Variants in TMTC2 observed in about 807,000 individuals in gnomAD.
The protein encoded by TMTC2 is protein O-mannosyl-transferase TMTC2.
In TMTC2, 43 loss-of-function variants were observed where a neutral mutation model predicts 82.4. The observed-to-expected ratio is 0.52, with a 90% CI of 0.41 to 0.67. The LOEUF (loss-of-function observed/expected upper bound fraction) is 0.67. TMTC2 is among the 30% of genes least tolerant of loss of function. The pLI is 0.00. For synonymous variants in TMTC2, 408 were observed against 381.9 expected, an observed-to-expected ratio of 1.07 and a Z score of -0.80; for missense variants, 919 against 1,012.4, an observed-to-expected ratio of 0.91 and a Z score of 1.25.
intron 1 of TMTC2, among the ~76,000 whole-genome samples, chr12:82,792,391 A>G (rs1878509958): frequency 6.6e-6 from 1 of 151,994 alleles, no homozygotes; most frequent in Non-Finnish European, 1.5e-5. Flanking sequence ...AAAATATATC[A>G]ACACTTCCAG....
intron 11 of TMTC2, among the ~76,000 whole-genome samples, chr12:83,106,500 CAAAAAAAAAA>C (rs769681273): frequency 5.1e-5 from 3 of 58,590 alleles, no homozygotes; most frequent in Non-Finnish European, 7.2e-5. Flanking sequence ...ACTCTGTCTC[CAAAAAAAAAA>C]AAAAAAAAAA....
At chr12:82,752,408 C>G (rs533467655) in intron 1 of TMTC2, among the ~76,000 whole-genome samples, 1 of 152,192 alleles carries the variant, frequency 6.6e-6, no homozygotes, top group East Asian at 1.9e-4. Context: ...ATCACTTGAA[C>G]TTGGGAGGCA....
In TMTC2 at chr12:82,895,889, G is replaced by A. The variant is rs762365789; in HGVS notation, c.726G>A (p.Arg242=). The A allele has an allele frequency of 6.2e-7, 1 of 1,613,766 alleles. No individual in the cohort carries two copies. Among genetic ancestry groups the A allele is most frequent in the African/African-American group, 1.3e-5 (1 of 74,826 alleles). Residue 242 remains arginine, a synonymous_variant, in exon 3 of 12, where the codon CGG becomes CGA. Coordinates refer to ENST00000321196, the MANE Select transcript of TMTC2 (RefSeq NM_152588.3). Reference sequence around the variant, plus strand: ...GGGGTTCCTCCCTTTTGGGTGCCCGGTTATACTGGATGGGAAACAAACCAC... The same window carrying A: ...GGGGTTCCTCCCTTTTGGGTGCCCGATTATACTGGATGGGAAACAAACCAC... ...IFWGSSLLGA[R]LYWMGNKPPS...
chr12:83,038,291 AATAT>A (rs545858760), intron 9 of TMTC2, among the ~76,000 whole-genome samples: 1 of 151,692 alleles, frequency 6.6e-6, no homozygotes, highest in African/African-American at 2.4e-5. Context: ...GTATAATAAA[AATAT>A]ATATATATAC....
intron 11 of TMTC2, among the ~76,000 whole-genome samples, chr12:83,107,943 T>TC (rs34823247): frequency 0.044 from 6,761 of 152,172 alleles, 232 homozygotes; most frequent in Admixed American, 0.12. Flanking sequence ...GGGATGGATT[T>TC]CCCCCCTTGC....
intron 2 of TMTC2, among the ~76,000 whole-genome samples, chr12:82,862,353 G>T (rs547945395): frequency 2.0e-4 from 30 of 152,236 alleles, no homozygotes; most frequent in African/African-American, 7.2e-4. Flanking sequence ...TCTGTTAACT[G>T]TTTTAATGTG....
chr12:82,801,346 A>T (rs1382679593), intron 1 of TMTC2, among the ~76,000 whole-genome samples: 1 of 152,148 alleles, frequency 6.6e-6, no homozygotes, highest in Non-Finnish European at 1.5e-5. Flanking sequence ...GTTCATAAAG[A>T]CAGTGTGGAC....
rs576160142 is a variant in TMTC2 at position 82,941,867 on chromosome 12, C to A, written c.1598+11322C>A. 5.9e-5 allele frequency among the ~76,000 whole-genome samples: 9 copies of A among 152,230 alleles called. No homozygotes were observed. The South Asian group carries it at 1.9e-3, about 32-fold the overall frequency. Reference sequence around the variant, plus strand: ...CTCTGCCTCCCAGGTTCAAGCGATTCTCCTGAGTAGCCAGGATTACAGATG... The same window carrying A: ...CTCTGCCTCCCAGGTTCAAGCGATTATCCTGAGTAGCCAGGATTACAGATG... On this transcript the variant is annotated intron_variant, in intron 4 of 11. Coordinates refer to ENST00000321196, the MANE Select transcript of TMTC2 (RefSeq NM_152588.3).
At chr12:83,028,615 T>C (rs535515944) in intron 8 of TMTC2, among the ~76,000 whole-genome samples, 1 of 152,312 alleles carries the variant, frequency 6.6e-6, no homozygotes, top group Non-Finnish European at 1.5e-5. Context: ...AATCACATGC[T>C]CTGCCTGTCC....
intron 4 of TMTC2, among the ~76,000 whole-genome samples, chr12:82,946,289 C>T (rs764277060): frequency 3.3e-5 from 5 of 152,128 alleles, no homozygotes; most frequent in Non-Finnish European, 5.9e-5. Flanking sequence ...TTAGTGTCTG[C>T]AATAGTGCTT....
At chr12:82,841,016 G>A (rs1227693529) in intron 1 of TMTC2, among the ~76,000 whole-genome samples, 1 of 152,106 alleles carries the variant, frequency 6.6e-6, no homozygotes, top group Non-Finnish European at 1.5e-5. Flanking sequence ...CTGACCTCAG[G>A]TGATCCACCC....
chr12:82,895,708 G>T (rs1873627244), intron 2 of TMTC2, 110 bp from the exon 3 acceptor site: 1 of 965,536 alleles, frequency 1.0e-6, no homozygotes, highest in Admixed American at 2.9e-5. Context: ...GAGACATCAT[G>T]CTGTGTTTTT....
chr12:82,916,664 A>G (rs868124742), intron 3 of TMTC2, among the ~76,000 whole-genome samples: 1 of 152,184 alleles, frequency 6.6e-6, no homozygotes, highest in African/African-American at 2.4e-5. Context: ...ATACATGTGG[A>G]TATTACAGTA....
At chr12:83,131,390 T>C (rs1885251830) in intron 11 of TMTC2, among the ~76,000 whole-genome samples, 1 of 151,954 alleles carries the variant, frequency 6.6e-6, no homozygotes, top group African/African-American at 2.4e-5. Flanking sequence ...ACATAACTCA[T>C]GCCATGTAAA....
chr12:82,691,220 G>A (rs1003271037), intron 1 of TMTC2, among the ~76,000 whole-genome samples: 9 of 152,086 alleles, frequency 5.9e-5, no homozygotes, highest in Non-Finnish European at 1.0e-4. Flanking sequence ...AAATATATTT[G>A]CGACTCCTCT....
Position 83,133,020 on chromosome 12 carries a change from TC to T in TMTC2, c.*632del, listed in dbSNP as rs1233112004. The T allele has an allele frequency of 1.3e-5, 2 of 152,252 alleles. No individual in the cohort carries two copies. Among genetic ancestry groups the T allele is most frequent in the Non-Finnish European group, 2.9e-5 (2 of 68,084 alleles). 9.4% of individuals were successfully genotyped at this position (152,252 alleles called of 1,614,324 possible). On this transcript the variant is annotated 3_prime_UTR_variant, in exon 12 of 12. Transcript: ENST00000321196. ...GTCAGAGGCTTCATTCTTTTGGACA[TC>T]ATTTGCTTTTTATGTTCTGAAAAGG... is the stretch of plus-strand genomic sequence containing the variant.
intron 11 of TMTC2, among the ~76,000 whole-genome samples, chr12:83,123,553 G>T (rs1273153077): frequency 1.3e-5 from 2 of 152,140 alleles, no homozygotes; most frequent in Admixed American, 6.5e-5. Flanking sequence ...ATAGCCTTTT[G>T]TGAAGATCAT....
At chr12:82,736,137 G>A (rs528475657) in intron 1 of TMTC2, among the ~76,000 whole-genome samples, 6 of 152,212 alleles carry the variant, frequency 3.9e-5, no homozygotes, top group East Asian at 1.9e-4. Flanking sequence ...TGAGCAATAG[G>A]ATAAAGAAGT....
chr12:82,946,186 A>G (rs1876982149), intron 4 of TMTC2, among the ~76,000 whole-genome samples: 1 of 152,174 alleles, frequency 6.6e-6, no homozygotes, highest in South Asian at 2.1e-4. Flanking sequence ...ACCTATAATG[A>G]CAAATAATGA....
Sources: allele counts gnomAD v4.1 joint callset (sites outside exome capture counted in the v4.1 genomes callset), GRCh38; gene constraint gnomAD v4.1.1; transcripts MANE v1.5; gene names NCBI Gene and HGNC (gene_info 2026-07-23, HGNC 2026-07-21).